Variants in BCAS4 observed in about 807,000 individuals in gnomAD.
BCAS4 encodes the protein breast carcinoma-amplified sequence 4.
Under a neutral mutation model 15.7 loss-of-function variants are expected in BCAS4, and 9 were observed. The observed-to-expected ratio is 0.57, with a 90% CI of 0.34 to 1.00. The LOEUF (loss-of-function observed/expected upper bound fraction) is 1.00. Among genes scored for constraint, BCAS4 ranks in the 50% least tolerant of loss-of-function variants. The pLI is 0.02. For missense variants in BCAS4, 225 were observed against 239.1 expected, an observed-to-expected ratio of 0.94 and a Z score of 0.39; for synonymous variants, 101 against 99.5, an observed-to-expected ratio of 1.02 and a Z score of -0.09.
intron 4 of BCAS4, among the ~76,000 whole-genome samples, chr20:50,874,009 C>T (rs1979789219): frequency 6.6e-6 from 1 of 152,152 alleles, no homozygotes; most frequent in Non-Finnish European, 1.5e-5. Flanking sequence ...AGTCAAGGCC[C>T]TGGAGCCCAG....
intron 4 of BCAS4, among the ~76,000 whole-genome samples, chr20:50,859,949 G>A (rs1978984050): frequency 6.6e-6 from 1 of 152,128 alleles, no homozygotes; most frequent in Non-Finnish European, 1.5e-5. Context: ...AGACCAGCCT[G>A]GGCAACATAG....
chr20:50,872,515 T>G (rs6020813), intron 4 of BCAS4, among the ~76,000 whole-genome samples: 70,044 of 146,590 alleles, frequency 0.48, 19,791 homozygotes, highest in African/African-American at 0.82. Flanking sequence ...AGCTTGCAGT[T>G]AGCCAAGATC....
At position 50,867,390 on chromosome 20, in the gene BCAS4, A is replaced by T. The variant is rs111893713; in HGVS notation, c.400-9096A>T. Among the ~76,000 whole-genome samples the T allele has an allele frequency of 8.0e-3, 1,216 of 152,284 alleles. 13 individuals are homozygous for T. Among genetic ancestry groups the T allele is most frequent in the African/African-American group, 0.028 (1,162 of 41,556 alleles). ...GAGAGAGGGTCTCGTTCTGTTGCCC[A>T]GGCTGGAGTGCAGTGGCAAGATCAT... On this transcript the variant is annotated intron_variant, in intron 4 of 4. Coordinates refer to ENST00000371608, the MANE Select transcript of BCAS4 (RefSeq NM_198799.4).
chr20:50,812,099 A>T (rs753781613), intron 1 of BCAS4, among the ~76,000 whole-genome samples: 3 of 152,104 alleles, frequency 2.0e-5, no homozygotes, highest in Non-Finnish European at 4.4e-5. Context: ...TTGTTCATTC[A>T]TCACTTAATG....
chr20:50,820,565 T>A (rs1053865348), intron 2 of BCAS4, among the ~76,000 whole-genome samples: 1 of 152,118 alleles, frequency 6.6e-6, no homozygotes, highest in African/African-American at 2.4e-5. Context: ...TGTGGATGGA[T>A]GCTCCAGGGA....
chr20:50,795,059 C>T (rs1440220261), upstream of BCAS4: 18 of 1,483,174 alleles, frequency 1.2e-5, no homozygotes, highest in Non-Finnish European at 1.6e-5. Context: ...GCAGCCTCCG[C>T]CAGCCGGACC....
intron 4 of BCAS4, among the ~76,000 whole-genome samples, chr20:50,864,700 C>G (rs1467047244): frequency 6.6e-6 from 1 of 152,026 alleles, no homozygotes; most frequent in Non-Finnish European, 1.5e-5. Flanking sequence ...GCCTCGGCCT[C>G]TCAAAGTAGC....
intron 4 of BCAS4, among the ~76,000 whole-genome samples, chr20:50,853,999 C>T (rs1277252000): frequency 1.3e-5 from 2 of 152,252 alleles, no homozygotes; most frequent in South Asian, 2.1e-4. Context: ...AAAATTGCCC[C>T]GAGTTAAGGA....
At chr20:50,856,754 C>T (rs1374378410) in intron 4 of BCAS4, among the ~76,000 whole-genome samples, 3 of 152,182 alleles carry the variant, frequency 2.0e-5, no homozygotes, top group African/African-American at 7.2e-5. Context: ...CTGCCAGCAT[C>T]TTTGTGCCTG....
chr20:50,872,835 G>A (rs1311896800), intron 4 of BCAS4, among the ~76,000 whole-genome samples: 1 of 152,350 alleles, frequency 6.6e-6, no homozygotes, highest in East Asian at 1.9e-4. Context: ...GGGCCTGAGT[G>A]GATGTGGAGC....
intron 2 of BCAS4, among the ~76,000 whole-genome samples, chr20:50,822,685 T>C (rs1300541625): frequency 6.6e-6 from 1 of 151,552 alleles, no homozygotes; most frequent in Admixed American, 6.6e-5. Context: ...GCCCAGGCTG[T>C]AGTGCAGTGG....
At chr20:50,827,648 T>G (rs557725048) in intron 2 of BCAS4, among the ~76,000 whole-genome samples, 1 of 152,310 alleles carries the variant, frequency 6.6e-6, no homozygotes, top group African/African-American at 2.4e-5. Context: ...GTGGAACACT[T>G]TCTTGCTTTC....
chr20:50,824,972 T>C (rs536612176), intron 2 of BCAS4, among the ~76,000 whole-genome samples: 2 of 152,332 alleles, frequency 1.3e-5, no homozygotes, highest in South Asian at 2.1e-4. Context: ...ATGACATCTG[T>C]AGACCTCTGG....
intron 1 of BCAS4, among the ~76,000 whole-genome samples, chr20:50,803,454 C>T (rs1457106398): frequency 6.6e-6 from 1 of 152,052 alleles, no homozygotes. Flanking sequence ...ATCAGTTTCT[C>T]GGGTGGGGTG....
chr20:50,809,855 T>G (rs2088039723), intron 1 of BCAS4, among the ~76,000 whole-genome samples: 1 of 152,204 alleles, frequency 6.6e-6, no homozygotes, highest in Admixed American at 6.5e-5. Context: ...ATATTTTATT[T>G]TTTGCAGCTG....
chr20:50,795,577 G>C (rs910709399), intron 1 of BCAS4, among the ~76,000 whole-genome samples: 1 of 149,634 alleles, frequency 6.7e-6, no homozygotes, highest in Non-Finnish European at 1.5e-5. Flanking sequence ...GCTGCAGCTC[G>C]GAGCGAAAAC....
intron 4 of BCAS4, among the ~76,000 whole-genome samples, chr20:50,858,463 A>G (rs1052402186): frequency 1.8e-4 from 27 of 152,096 alleles, no homozygotes; most frequent in African/African-American, 6.5e-4. Flanking sequence ...TTAGCCGGGC[A>G]TGGTGGCAAG....
At chr20:50,849,480 C>T (rs564253209) in intron 4 of BCAS4, among the ~76,000 whole-genome samples, 1 of 152,342 alleles carries the variant, frequency 6.6e-6, no homozygotes, top group African/African-American at 2.4e-5. Context: ...GCCAGGGTGG[C>T]TTTGGAGCAA....
At chr20:50,848,163 G>A (rs1400090748) in intron 4 of BCAS4, among the ~76,000 whole-genome samples, 5 of 152,148 alleles carry the variant, frequency 3.3e-5, no homozygotes, top group Admixed American at 3.3e-4. Flanking sequence ...GGCTGGGGTG[G>A]GAAGATTGCT....
Sources: gnomAD v4.1 joint callset for allele counts (sites outside exome capture counted in the v4.1 genomes callset) on GRCh38, gnomAD v4.1.1 for gene constraint, MANE v1.5 for transcripts, NCBI Gene and HGNC (gene_info 2026-07-23, HGNC 2026-07-21) for gene names.